SLC35F1: variants seen among roughly 807,000 people sequenced by gnomAD.
The protein encoded by SLC35F1 is solute carrier family 35 member F1.
SLC35F1 carries 14 observed loss-of-function variants against 48.7 expected under a neutral mutation model. That is an observed-to-expected ratio of 0.29 (90% CI 0.19 to 0.45). SLC35F1 has a LOEUF of 0.45. SLC35F1 is among the 20% of genes least tolerant of loss of function. The pLI, the probability that SLC35F1 is intolerant of heterozygous loss-of-function variation, is 1.00. For synonymous variants in SLC35F1, 190 were observed against 202.2 expected, an observed-to-expected ratio of 0.94 and a Z score of 0.51; for missense variants, 404 against 500.0, an observed-to-expected ratio of 0.81 and a Z score of 1.83.
intron 1 of SLC35F1, among the ~76,000 whole-genome samples, chr6:118,074,730 G>C (rs1772792749): frequency 1.3e-5 from 2 of 152,184 alleles, no homozygotes; most frequent in African/African-American, 4.8e-5. Context: ...ACTCACGGCA[G>C]CGTTGACCTC....
chr6:118,241,096 G>A (rs1775434166), intron 3 of SLC35F1, among the ~76,000 whole-genome samples: 1 of 152,192 alleles, frequency 6.6e-6, no homozygotes, highest in South Asian at 2.1e-4. Context: ...CAAGAGTTAA[G>A]CTGGGCCATA....
intron 1 of SLC35F1, among the ~76,000 whole-genome samples, chr6:117,976,643 G>T (rs1776708851): frequency 6.6e-6 from 1 of 151,958 alleles, no homozygotes; most frequent in African/African-American, 2.4e-5. Context: ...CATATTCTTA[G>T]ATTAATCTAT....
chr6:118,108,150 T>TCA (rs924140903), intron 1 of SLC35F1, among the ~76,000 whole-genome samples: 9 of 151,530 alleles, frequency 5.9e-5, no homozygotes, highest in Admixed American at 2.0e-4. Flanking sequence ...AATATTTGAT[T>TCA]CACACACACA....
chr6:117,943,419 T>C (rs1776256973), intron 1 of SLC35F1, among the ~76,000 whole-genome samples: 1 of 152,154 alleles, frequency 6.6e-6, no homozygotes, highest in Non-Finnish European at 1.5e-5. Flanking sequence ...CATTTTCTGC[T>C]CCAACTTTCA....
intron 2 of SLC35F1, among the ~76,000 whole-genome samples, chr6:118,179,466 T>C (rs1774539720): frequency 6.6e-6 from 1 of 152,146 alleles, no homozygotes. Flanking sequence ...CTGTCTGGGC[T>C]CTCAGCAGAT....
intron 1 of SLC35F1, among the ~76,000 whole-genome samples, chr6:117,977,278 C>T (rs1303267773): frequency 6.6e-6 from 1 of 151,354 alleles, no homozygotes; most frequent in African/African-American, 2.4e-5. Context: ...CCCACTGCAA[C>T]CTCTGCCTCC....
intron 1 of SLC35F1, among the ~76,000 whole-genome samples, chr6:118,152,924 T>C (rs1259585564): frequency 6.6e-6 from 1 of 152,224 alleles, no homozygotes; most frequent in African/African-American, 2.4e-5. Flanking sequence ...CATGGATGTT[T>C]AAAAGTATGT....
chr6:118,096,818 C>T (rs1238363311), intron 1 of SLC35F1, among the ~76,000 whole-genome samples: 3 of 152,140 alleles, frequency 2.0e-5, no homozygotes, highest in Admixed American at 6.5e-5. Context: ...TTTGTGGTTT[C>T]ACTCCTACCC....
intron 1 of SLC35F1, among the ~76,000 whole-genome samples, chr6:118,135,446 A>G (rs1237690454): frequency 6.6e-6 from 1 of 152,250 alleles, no homozygotes; most frequent in Non-Finnish European, 1.5e-5. Context: ...CATGTGAAAT[A>G]AAGAAGAGGC....
At chr6:118,010,598 G>GGTAGACAAT (rs1777230743) in intron 1 of SLC35F1, among the ~76,000 whole-genome samples, 1 of 152,056 alleles carries the variant, frequency 6.6e-6, no homozygotes, top group South Asian at 2.1e-4. Flanking sequence ...ACGTACAAAA[G>GGTAGACAAT]GTAGACAATG....
At chr6:118,295,812 C>A (rs1776176475) in intron 7 of SLC35F1, among the ~76,000 whole-genome samples, 2 of 152,076 alleles carry the variant, frequency 1.3e-5, no homozygotes, top group African/African-American at 4.8e-5. Flanking sequence ...CTTTACAATA[C>A]TTTTTAAAGT....
At chr6:118,255,036 G>T (rs1775624962) in intron 3 of SLC35F1, among the ~76,000 whole-genome samples, 2 of 152,136 alleles carry the variant, frequency 1.3e-5, no homozygotes, top group Admixed American at 1.3e-4. Flanking sequence ...TCTCTCTCTT[G>T]CATGGTACTC....
intron 3 of SLC35F1, among the ~76,000 whole-genome samples, chr6:118,245,469 C>T (rs901399866): frequency 3.3e-5 from 5 of 152,170 alleles, no homozygotes; most frequent in African/African-American, 1.2e-4. Flanking sequence ...GGATGTGCAC[C>T]TGCTGTGCTG....
At chr6:117,958,137 TTAAAAAG>T (rs1297251979) in intron 1 of SLC35F1, among the ~76,000 whole-genome samples, 3 of 151,802 alleles carry the variant, frequency 2.0e-5, no homozygotes, top group African/African-American at 4.8e-5. Context: ...TAACAAAAGT[TTAAAAAG>T]TAAAAAGTAA....
At chr6:118,121,808 G>A (rs538767710) in intron 1 of SLC35F1, among the ~76,000 whole-genome samples, 3 of 152,218 alleles carry the variant, frequency 2.0e-5, no homozygotes, top group Admixed American at 6.5e-5. Flanking sequence ...CACTGTGAGA[G>A]ACATGAGGGA....
At chr6:118,275,756 C>T in intron 5 of SLC35F1, 141 bp downstream of exon 5, 1 of 609,808 alleles carries the variant, frequency 1.6e-6, no homozygotes, top group African/African-American at 1.9e-5. Context: ...AATCTGCCAA[C>T]TCAATATCTT....
intron 1 of SLC35F1, among the ~76,000 whole-genome samples, chr6:118,029,376 G>C (rs1443283213): frequency 6.6e-6 from 1 of 151,890 alleles, no homozygotes; most frequent in Non-Finnish European, 1.5e-5. Context: ...TTGAGAGAGA[G>C]AGAGAGACAG....
intron 1 of SLC35F1, among the ~76,000 whole-genome samples, chr6:118,150,548 T>C (rs1287928394): frequency 1.3e-5 from 2 of 152,200 alleles, no homozygotes; most frequent in African/African-American, 4.8e-5. Flanking sequence ...TTTATAGAAC[T>C]GCAGGAATCC....
chr6:118,013,918 C>A (rs1777285649), intron 1 of SLC35F1, among the ~76,000 whole-genome samples: 1 of 152,098 alleles, frequency 6.6e-6, no homozygotes, highest in Non-Finnish European at 1.5e-5. Context: ...TAGGCACTTA[C>A]AATACACCTA....
Sources: gnomAD v4.1 joint callset for allele counts (sites outside exome capture counted in the v4.1 genomes callset) on GRCh38, gnomAD v4.1.1 for gene constraint, MANE v1.5 for transcripts, NCBI Gene and HGNC (gene_info 2026-07-23, HGNC 2026-07-21) for gene names.